Variants in XKR9 observed in about 807,000 individuals in gnomAD.
The protein encoded by XKR9 is XK related 9, also known as XK-related protein 9.
XKR9 carries 32 observed loss-of-function variants against 32.0 expected under a neutral mutation model. The observed-to-expected ratio is 1.00, with a 90% CI of 0.76 to 1.34. The LOEUF is 1.34. Ranked by LOEUF, XKR9 falls within the 40% of genes most tolerant of loss-of-function variation. The probability of loss-of-function intolerance (pLI) is 0.00; values close to 1 mark genes in which losing one functional copy is unlikely to be tolerated. For missense variants in XKR9, 546 were observed against 429.7 expected (o/e 1.27, Z -2.39); for synonymous variants, 168 against 143.4 (o/e 1.17, Z -1.22).
the XKR9 span, among the ~76,000 whole-genome samples, chr8:70,904,010 G>GTTATGATTT: frequency 6.6e-6 from 1 of 150,934 alleles, no homozygotes; most frequent in Admixed American, 6.6e-5. Flanking sequence ...GAGACAGTTT[G>GTTATGATTT]CATTTGCTGT....
the XKR9 span, among the ~76,000 whole-genome samples, chr8:70,996,263 C>A: frequency 6.6e-6 from 1 of 152,026 alleles, no homozygotes; most frequent in Non-Finnish European, 1.5e-5. Context: ...TTACAATTTA[C>A]CCTAGGTCTG....
the XKR9 span, among the ~76,000 whole-genome samples, chr8:71,032,206 C>T: frequency 6.8e-6 from 1 of 146,094 alleles, no homozygotes; most frequent in East Asian, 2.0e-4. Context: ...ATTGCTTGAA[C>T]CTGGGAGACA....
the XKR9 span, among the ~76,000 whole-genome samples, chr8:70,940,176 C>G: frequency 6.6e-6 from 1 of 151,976 alleles, no homozygotes; most frequent in Non-Finnish European, 1.5e-5. Flanking sequence ...CTCCTTACCC[C>G]CACTTCTGTC....
downstream of XKR9, among the ~76,000 whole-genome samples, chr8:70,737,026 G>A (rs1238954377): frequency 6.6e-6 from 1 of 152,136 alleles, no homozygotes; most frequent in Admixed American, 6.5e-5. Context: ...TAGCTTTATG[G>A]GGATGACATT....
the XKR9 span, among the ~76,000 whole-genome samples, chr8:70,924,488 C>G: frequency 6.6e-6 from 1 of 152,162 alleles, no homozygotes; most frequent in East Asian, 1.9e-4. Flanking sequence ...AACTCTTAAC[C>G]TATCATCTGG....
intron 2 of XKR9, among the ~76,000 whole-genome samples, chr8:70,782,457 A>T (rs934465025): frequency 5.9e-5 from 9 of 152,022 alleles, no homozygotes; most frequent in Admixed American, 4.6e-4. Flanking sequence ...TTACTCTAAA[A>T]CTGTATGCAC....
intron 3 of XKR9, 83 bp downstream of exon 3, chr8:70,681,413 A>G (rs1819079468): frequency 1.4e-6 from 2 of 1,477,140 alleles, no homozygotes; most frequent in Admixed American, 2.2e-5. Flanking sequence ...TGGGTAGTCA[A>G]ATGTACAAAG....
At chr8:70,845,198 T>C in the XKR9 span, among the ~76,000 whole-genome samples, 10 of 152,058 alleles carry the variant, frequency 6.6e-5, no homozygotes, top group Non-Finnish European at 1.3e-4. Context: ...GCTGAAGAAA[T>C]CATATAGAGA....
At chr8:70,705,880 A>G (rs1805701801) in intron 3 of XKR9, among the ~76,000 whole-genome samples, 1 of 152,136 alleles carries the variant, frequency 6.6e-6, no homozygotes, top group Non-Finnish European at 1.5e-5. Context: ...CTGCTTAAAC[A>G]AGGGTGGTAG....
chr8:71,026,675 A>T, the XKR9 span, among the ~76,000 whole-genome samples: 12 of 152,218 alleles, frequency 7.9e-5, no homozygotes, highest in Non-Finnish European at 1.6e-4. Context: ...TGTTTTAGTT[A>T]ACCTGTTTCA....
intron 4 of XKR9, among the ~76,000 whole-genome samples, chr8:70,712,644 C>T (rs535693063): frequency 6.6e-6 from 1 of 152,232 alleles, no homozygotes; most frequent in East Asian, 1.9e-4. Flanking sequence ...CAGAGAAAAA[C>T]GTCCTTGAGA....
chr8:70,802,791 T>C, the XKR9 span, among the ~76,000 whole-genome samples: 2 of 152,270 alleles, frequency 1.3e-5, no homozygotes, highest in East Asian at 1.9e-4. Flanking sequence ...TATTTAAGAA[T>C]GCTGACTTGA....
the XKR9 span, among the ~76,000 whole-genome samples, chr8:70,860,879 C>T: frequency 7.9e-5 from 12 of 152,062 alleles, no homozygotes; most frequent in East Asian, 5.8e-4. Flanking sequence ...ACCTAAGTAG[C>T]GTTACCTCTT....
chr8:70,736,602 T>C (rs1258402058), downstream of XKR9, among the ~76,000 whole-genome samples: 1 of 152,132 alleles, frequency 6.6e-6, no homozygotes. Context: ...TGGTTTTAGG[T>C]CTAACATTTA....
chr8:70,816,098 C>T, the XKR9 span, among the ~76,000 whole-genome samples: 15 of 151,810 alleles, frequency 9.9e-5, no homozygotes, highest in South Asian at 2.1e-4. Flanking sequence ...CCAGCCTGGG[C>T]GACAAGAGCA....
the XKR9 span, among the ~76,000 whole-genome samples, chr8:70,932,290 C>T: frequency 2.3e-4 from 35 of 151,738 alleles, no homozygotes; most frequent in South Asian, 2.1e-4. Flanking sequence ...AGATGCAGAC[C>T]GATGTGAGAT....
intron 3 of XKR9, among the ~76,000 whole-genome samples, chr8:70,696,570 G>C (rs1805285341): frequency 6.7e-6 from 1 of 149,222 alleles, no homozygotes; most frequent in Non-Finnish European, 1.5e-5. Flanking sequence ...GTACCATGCT[G>C]TTTTGGTTAC....
At chr8:70,854,852 G>A in the XKR9 span, among the ~76,000 whole-genome samples, 3 of 152,232 alleles carry the variant, frequency 2.0e-5, no homozygotes. Context: ...CATTATTTCT[G>A]AGGGCTCTGT....
the XKR9 span, among the ~76,000 whole-genome samples, chr8:71,062,700 C>T: frequency 0.086 from 12,982 of 151,560 alleles, 1,060 homozygotes; most frequent in East Asian, 0.44. Flanking sequence ...TTTTTTCAGT[C>T]AGATTTGTCA....
Sources: allele counts gnomAD v4.1 joint callset (sites outside exome capture counted in the v4.1 genomes callset), GRCh38; gene constraint gnomAD v4.1.1; transcripts MANE v1.5; gene names NCBI Gene and HGNC (gene_info 2026-07-23, HGNC 2026-07-21).